Variants in ERBIN observed in about 807,000 individuals in gnomAD.
ERBIN encodes the protein densin-180-like protein.
ERBIN carries 60 observed loss-of-function variants against 158.4 expected under a neutral mutation model. The ratio of observed to expected loss-of-function variants is 0.38; its 90% CI spans 0.31 to 0.47. ERBIN has a LOEUF of 0.47. Ranked by LOEUF, ERBIN falls within the 20% of genes least tolerant of loss-of-function variation. The probability of loss-of-function intolerance (pLI) is 0.99; values close to 1 mark genes in which losing one functional copy is unlikely to be tolerated. For synonymous variants in ERBIN, 594 were observed against 557.2 expected (o/e 1.07, Z -0.93); for missense variants, 1,610 against 1,648.0 (o/e 0.98, Z 0.40).
At chr5:65,940,866 G>C (rs1744907784) in intron 1 of ERBIN, among the ~76,000 whole-genome samples, 2 of 152,302 alleles carry the variant, frequency 1.3e-5, no homozygotes, top group South Asian at 4.1e-4. Context: ...CGGTTTTGTG[G>C]AATAGAAAGG....
At chr5:65,998,029 A>C (rs1034294503) in intron 4 of ERBIN, among the ~76,000 whole-genome samples, 1 of 151,958 alleles carries the variant, frequency 6.6e-6, no homozygotes, top group African/African-American at 2.4e-5. Flanking sequence ...GGAGTTCAAG[A>C]CCAGCCTGGC....
Position 65,941,136 on chromosome 5 carries a change from A to G in ERBIN, c.-58+14330A>G, listed in dbSNP as rs192632097. The stretch of plus-strand genomic sequence containing the variant: ...GAAGGCAGCATGCTCATTAAGAGTC[A>G]TCACCACTCCCTAATCTCAAGTACC... On this transcript the variant is annotated intron_variant, in intron 1 of 25. Coordinates refer to ENST00000284037, the MANE Select transcript of ERBIN (RefSeq NM_001253697.2). 1.8e-3 allele frequency among the ~76,000 whole-genome samples: 271 copies of G among 152,158 alleles called. 1 individual carries two copies. Among genetic ancestry groups the G allele is most frequent in the African/African-American group, 6.3e-3 (263 of 41,506 alleles).
chr5:66,013,670 T>C, intron 6 of ERBIN, 32 bp downstream of exon 6: 1 of 1,372,618 alleles, frequency 7.3e-7, no homozygotes, highest in Non-Finnish European at 1.0e-6. Context: ...AACGTTTTAT[T>C]ATTAGCTCTT....
rs963297165 is a variant in ERBIN, at chr5:65,979,378, G to A, written c.-57-9257G>A. On this transcript the variant is annotated intron_variant, in intron 1 of 25. Transcript: ENST00000284037. ...GGAGGTTGAGGCTGCAGTGAGCTGA[G>A]GTTGTGCCAGTGCACTTCAGCCTGG... 2.0e-5 allele frequency among the ~76,000 whole-genome samples: 3 copies of A among 152,150 alleles called. No homozygotes were observed. The East Asian group carries it at 5.8e-4, about 29-fold the overall frequency.
At chr5:66,026,530 TAGTA>T (rs1448174589) in intron 13 of ERBIN, 113 bp downstream of exon 13, 1 of 468,972 alleles carries the variant, frequency 2.1e-6, no homozygotes, top group Non-Finnish European at 3.6e-6. Context: ...TAAATATACA[TAGTA>T]AGTTCTCAGT....
At position 66,042,774 on chromosome 5, in the gene ERBIN, C is replaced by A. The variant is rs550820610; in HGVS notation, c.1307-303C>A. On this transcript the variant is annotated intron_variant, in intron 15 of 25. Coordinates refer to ENST00000284037, the MANE Select transcript of ERBIN (RefSeq NM_001253697.2). The stretch of plus-strand genomic sequence containing the variant: ...ACCATAGCACCTTTTAGAGCACTGC[C>A]CAAAACCATATATCTATGGTATTTT... 8.2e-4 allele frequency among the ~76,000 whole-genome samples: 125 copies of A among 152,068 alleles called. 1 individual carries two copies. Among genetic ancestry groups the A allele is most frequent in the African/African-American group, 3.0e-3 (123 of 41,502 alleles).
rs879903476 is a variant in ERBIN, at chr5:66,048,762, A to T, written c.1884A>T (p.Ala628=). 5.6e-6 allele frequency: 9 copies of T among 1,595,152 alleles called. No homozygotes were observed. The highest frequency in any genetic ancestry group is 1.3e-5 in the African/African-American group (1 of 74,302). ...CTATTAACCAGCCAAAAGTCGTAGC[A>T]CTTAGTAATAACAAAAAAGGTTAGA... ...ETSINQPKVV[A]LSNNKKDDTK... The change falls in exon 19 of 26, where the codon GCA becomes GCT. Residue 628 remains alanine (A), a synonymous_variant. Coordinates refer to ENST00000284037, the MANE Select transcript of ERBIN (RefSeq NM_001253697.2).
intron 1 of ERBIN, among the ~76,000 whole-genome samples, chr5:65,935,761 G>A (rs1220954551): frequency 1.3e-5 from 2 of 152,122 alleles, no homozygotes; most frequent in African/African-American, 4.8e-5. Context: ...GTCTCGCTCT[G>A]TCGCCCAGGC....
chr5:65,928,144 T>C (rs1449362602), intron 1 of ERBIN, among the ~76,000 whole-genome samples: 1 of 152,210 alleles, frequency 6.6e-6, no homozygotes, highest in East Asian at 1.9e-4. Context: ...ATTTGTTCTT[T>C]GCTACTTCAG....
rs1360009866 is a variant in ERBIN at position 66,079,821 on chromosome 5, CCTTT to C, written c.*1296_*1299del. On this transcript the variant is annotated 3_prime_UTR_variant, in exon 26 of 26. Transcript: ENST00000284037. ...TGTAATAGTGTTTTACCACCAACTG[CCTTT>C]CTTTGTTCCTAGTTACTGTAACAAA... 2.0e-5 allele frequency: 3 copies of C among 152,388 alleles called. No homozygotes were observed. The highest frequency in any genetic ancestry group is 4.4e-5 in the Non-Finnish European group (3 of 68,006). 9.4% of individuals were successfully genotyped at this position (152,388 alleles called of 1,614,324 possible).
intron 7 of ERBIN, 116 bp from the exon 8 acceptor site, chr5:66,021,206 A>T: frequency 2.0e-6 from 1 of 511,340 alleles, no homozygotes; most frequent in East Asian, 3.5e-5. Context: ...TATTTTGTCA[A>T]CATGTGAAAG....
chr5:65,931,545 T>A (rs888791196), intron 1 of ERBIN, among the ~76,000 whole-genome samples: 3 of 152,210 alleles, frequency 2.0e-5, no homozygotes, highest in African/African-American at 4.8e-5. Context: ...TTAAAAAAAA[T>A]TAATTTATTT....
chr5:65,947,756 C>T lies in ERBIN; in HGVS notation c.-58+20950C>T, dbSNP rs145627253. 7.3e-3 allele frequency among the ~76,000 whole-genome samples: 1,116 copies of T among 152,174 alleles called. 19 individuals carry two copies. The highest frequency in any genetic ancestry group is 0.026 in the African/African-American group (1,067 of 41,494). On this transcript the variant is annotated intron_variant, in intron 1 of 25. Coordinates refer to ENST00000284037, the MANE Select transcript of ERBIN (RefSeq NM_001253697.2). ...ATGTGGTGGCTCACACCTGTAATCCCAGCACTTTGGGAGGCCGAGGCAGGC... is the reference window on the plus strand; with the variant it reads ...ATGTGGTGGCTCACACCTGTAATCCTAGCACTTTGGGAGGCCGAGGCAGGC...
chr5:65,945,550 T>A (rs2150902370), intron 1 of ERBIN, among the ~76,000 whole-genome samples: 1 of 152,350 alleles, frequency 6.6e-6, no homozygotes, highest in East Asian at 1.9e-4. Context: ...TTTCAAACAC[T>A]GCACCCTTTT....
At position 66,080,306 on chromosome 5, in the gene ERBIN, T is replaced by C. The variant is rs1762328864; in HGVS notation, c.*1776T>C. On this transcript the variant is annotated 3_prime_UTR_variant, in exon 26 of 26. Coordinates refer to ENST00000284037, the MANE Select transcript of ERBIN (RefSeq NM_001253697.2). ...TCAAGATGTTATCAATTGGTTATTG[T>C]ACTGTATAGTTTTAATAATTTTGAT... 6.6e-6 allele frequency: 1 copy of C among 152,570 alleles called. No individual in the cohort carries two copies. Among genetic ancestry groups the C allele is most frequent in the African/African-American group, 2.4e-5 (1 of 41,466 alleles). The allele number at this position is 152,570 out of a possible 1,614,324, so 9.5% of individuals were successfully genotyped here.
intron 1 of ERBIN, among the ~76,000 whole-genome samples, chr5:65,946,972 G>T (rs1366258605): frequency 1.3e-5 from 2 of 151,000 alleles, no homozygotes; most frequent in East Asian, 1.9e-4. Context: ...TTTTTTGTAA[G>T]TATTGAATTT....
intron 24 of ERBIN, 154 bp downstream of exon 24, chr5:66,076,562 T>G: frequency 1.5e-6 from 1 of 675,362 alleles, no homozygotes; most frequent in Admixed American, 3.2e-5. Flanking sequence ...TGTTTTGTAA[T>G]TTGATCAGTT....
At chr5:65,940,774 TGAG>T (rs1270459907) in intron 1 of ERBIN, among the ~76,000 whole-genome samples, 1 of 151,300 alleles carries the variant, frequency 6.6e-6, no homozygotes, top group African/African-American at 2.4e-5. Context: ...TACTGGGAAG[TGAG>T]GAGCCCCTCT....
In ERBIN at chr5:66,047,094, A is replaced by G. The variant is rs1040073894; in HGVS notation, c.1788+556A>G. On this transcript the variant is annotated intron_variant, in intron 18 of 25. Transcript: ENST00000284037. ...TTTTAGAACATGTTTCTCACCCCAG[A>G]AAGAAATTCCATACTCTTTACCTGT... 1.2e-3 allele frequency among the ~76,000 whole-genome samples: 177 copies of G among 152,218 alleles called. 2 individuals are homozygous for G. The highest frequency in any genetic ancestry group is 2.9e-4 in the Non-Finnish European group (20 of 67,946).
Sources: allele counts gnomAD v4.1 joint callset (sites outside exome capture counted in the v4.1 genomes callset), GRCh38; gene constraint gnomAD v4.1.1; transcripts MANE v1.5; gene names NCBI Gene and HGNC (gene_info 2026-07-23, HGNC 2026-07-21).